LRRC28: variants seen among roughly 807,000 people sequenced by gnomAD.
LRRC28 encodes leucine-rich repeat-containing protein 28.
LRRC28 carries 39 observed loss-of-function variants against 45.7 expected under a neutral mutation model. The observed-to-expected ratio is 0.85, with a 90% CI of 0.66 to 1.12. The LOEUF (loss-of-function observed/expected upper bound fraction) is 1.12. Ranked by LOEUF, LRRC28 falls within the 50% of genes most tolerant of loss-of-function variation. The pLI is 0.00. For missense variants in LRRC28, 435 were observed against 438.5 expected (o/e 0.99, Z 0.07); for synonymous variants, 206 against 178.8 (o/e 1.15, Z -1.22).
chr15:99,339,020 T>C (rs1387788896), intron 6 of LRRC28, among the ~76,000 whole-genome samples: 1 of 152,230 alleles, frequency 6.6e-6, no homozygotes, highest in Non-Finnish European at 1.5e-5. Context: ...CACTTGAGCC[T>C]AGTGCTGTGA....
chr15:99,257,641 G>T, intron 2 of LRRC28: 1 of 715,472 alleles, frequency 1.4e-6, no homozygotes. Context: ...TGAAGGCCCT[G>T]TGGGTGCTGG....
intron 5 of LRRC28, among the ~76,000 whole-genome samples, chr15:99,302,443 C>T (rs1031377803): frequency 1.3e-5 from 2 of 151,998 alleles, no homozygotes; most frequent in African/African-American, 4.8e-5. Context: ...GGCTGGAGTG[C>T]AATGGCGCAA....
intron 2 of LRRC28, among the ~76,000 whole-genome samples, chr15:99,262,271 G>C (rs1186047235): frequency 6.6e-6 from 1 of 152,030 alleles, no homozygotes; most frequent in African/African-American, 2.4e-5. Flanking sequence ...CTAAAGGGTA[G>C]ACATGTTTCA....
intron 8 of LRRC28, among the ~76,000 whole-genome samples, chr15:99,361,937 G>A (rs575845142): frequency 5.9e-5 from 9 of 152,176 alleles, no homozygotes; most frequent in Non-Finnish European, 1.3e-4. Context: ...AGTTGGATAC[G>A]TCAATAGAGC....
intron 4 of LRRC28, among the ~76,000 whole-genome samples, 186 bp downstream of exon 4, chr15:99,287,480 T>A (rs1395719319): frequency 6.6e-6 from 1 of 152,232 alleles, no homozygotes; most frequent in Non-Finnish European, 1.5e-5. Context: ...GGTAAACTAT[T>A]GTTGGATAAA....
At position 99,387,779 on chromosome 15, in the gene LRRC28, T is replaced by A. The variant is rs947219119; in HGVS notation, c.*1677T>A. 17 of 152,208 alleles carry A rather than the reference T, an allele frequency of 1.1e-4. No homozygotes were observed. Among genetic ancestry groups the A allele is most frequent in the African/African-American group, 3.4e-4 (14 of 41,460 alleles). The allele number at this position is 152,208 out of a possible 1,614,324, so 9.4% of individuals were successfully genotyped here. A position where few individuals can be genotyped will look rare whatever the true frequency, so the allele number is the denominator to read the frequency against. ...GCTTGGTAGAAAAATTATTTTTTTT[T>A]AATTTCAGACTTATCAAAAATTTGG... On this transcript the variant is annotated 3_prime_UTR_variant, in exon 10 of 10. Coordinates refer to ENST00000301981, the MANE Select transcript of LRRC28 (RefSeq NM_144598.5).
chr15:99,387,298 G>A lies in LRRC28; in HGVS notation c.*1196G>A, dbSNP rs1217997511. 1.3e-5 allele frequency: 2 copies of A among 151,786 alleles called. No homozygotes were observed. Among genetic ancestry groups the A allele is most frequent in the South Asian group, 2.1e-4 (1 of 4,792 alleles). 9.4% of individuals were successfully genotyped at this position (151,786 alleles called of 1,614,324 possible). A position where few individuals can be genotyped will look rare whatever the true frequency, so the allele number is the denominator to read the frequency against. On this transcript the variant is annotated 3_prime_UTR_variant, in exon 10 of 10. Transcript: ENST00000301981. The stretch of plus-strand genomic sequence containing the variant: ...GATGGTCTCGATCTCCTGACCTCGT[G>A]ATCCGCACGCCTCGGCCTCCCAAAG...
At chr15:99,282,191 T>TTTTTTTTTTTTTTTTTTTG (rs1327794715) in intron 3 of LRRC28, among the ~76,000 whole-genome samples, 2 of 138,286 alleles carry the variant, frequency 1.4e-5, no homozygotes, top group South Asian at 2.4e-4. Context: ...TTTTTTTTTT[T>TTTTTTTTTTTTTTTTTTTG]GTAGCAGTAG....
chr15:99,256,166 T>G (rs758229989), intron 2 of LRRC28, 41 bp downstream of exon 2: 9 of 1,525,988 alleles, frequency 5.9e-6, no homozygotes, highest in Non-Finnish European at 8.0e-6. Context: ...TATTTATACA[T>G]GTGGTCCTGA....
intron 5 of LRRC28, among the ~76,000 whole-genome samples, chr15:99,294,421 T>C (rs2082211310): frequency 6.6e-6 from 1 of 152,162 alleles, no homozygotes; most frequent in South Asian, 2.1e-4. Context: ...TTACTGTTTG[T>C]TTTATGCTCT....
intron 9 of LRRC28, 90 bp downstream of exon 9, chr15:99,363,355 C>T (rs1312255552): frequency 1.4e-6 from 2 of 1,434,570 alleles, no homozygotes; most frequent in East Asian, 4.6e-5. Context: ...AGCATTAAGT[C>T]AGCAGTTTTA....
intron 6 of LRRC28, among the ~76,000 whole-genome samples, chr15:99,340,346 C>T (rs1309530630): frequency 1.3e-5 from 2 of 152,222 alleles, no homozygotes; most frequent in African/African-American, 4.8e-5. Context: ...ATAAAAGGCA[C>T]AAATCTGTTA....
intron 9 of LRRC28, among the ~76,000 whole-genome samples, chr15:99,369,769 C>T (rs1957432061): frequency 6.6e-6 from 1 of 152,192 alleles, no homozygotes; most frequent in Non-Finnish European, 1.5e-5. Flanking sequence ...ATAAAATTAA[C>T]TAAAAGGTCT....
At chr15:99,322,904 C>G (rs1011831717) in intron 5 of LRRC28, among the ~76,000 whole-genome samples, 4 of 152,178 alleles carry the variant, frequency 2.6e-5, no homozygotes, top group Non-Finnish European at 4.4e-5. Context: ...AACCAGGCTA[C>G]TGAGTTAGCT....
intron 1 of LRRC28, among the ~76,000 whole-genome samples, chr15:99,255,389 G>C (rs1242941469): frequency 6.6e-6 from 1 of 151,686 alleles, no homozygotes; most frequent in Non-Finnish European, 1.5e-5. Context: ...AAAGAATAAA[G>C]AGATAAAGAA....
At chr15:99,352,662 A>G in intron 7 of LRRC28, 191 bp downstream of exon 7, 1 of 542,066 alleles carries the variant, frequency 1.8e-6, no homozygotes, top group South Asian at 2.7e-5. Flanking sequence ...CTAAAGAAAA[A>G]TGAATCCATG....
chr15:99,284,868 C>T (rs2081914342), intron 3 of LRRC28: 1 of 569,964 alleles, frequency 1.8e-6, no homozygotes, highest in African/African-American at 1.9e-5. Context: ...CCCACTGCCA[C>T]CATATCTACC....
chr15:99,367,521 C>A (rs1957372531), intron 9 of LRRC28, among the ~76,000 whole-genome samples: 1 of 152,164 alleles, frequency 6.6e-6, no homozygotes, highest in Admixed American at 6.5e-5. Context: ...TAATGGCACT[C>A]ATGAGGGCAG....
chr15:99,351,368 C>T (rs1956873379), intron 6 of LRRC28, among the ~76,000 whole-genome samples: 2 of 152,206 alleles, frequency 1.3e-5, no homozygotes, highest in African/African-American at 4.8e-5. Flanking sequence ...TCTTTGCCCT[C>T]TCACTGCCCT....
Sources: gnomAD v4.1 joint callset for allele counts (sites outside exome capture counted in the v4.1 genomes callset) on GRCh38, gnomAD v4.1.1 for gene constraint, MANE v1.5 for transcripts, NCBI Gene and HGNC (gene_info 2026-07-23, HGNC 2026-07-21) for gene names.